RBFOX1: variants seen among roughly 807,000 people sequenced by gnomAD.
The protein encoded by RBFOX1 is RNA binding fox-1 homolog 1, also known as RNA binding protein fox-1 homolog 1.
Under a neutral mutation model 57.7 loss-of-function variants are expected in RBFOX1, and 8 were observed. That is an observed-to-expected ratio of 0.14 (90% CI 0.08 to 0.25). The LOEUF is 0.25. Among genes scored for constraint, RBFOX1 ranks in the 10% least tolerant of loss-of-function variants. RBFOX1 has a pLI of 1.00. For synonymous variants in RBFOX1, 326 were observed against 222.4 expected, an observed-to-expected ratio of 1.47 and a Z score of -4.15; for missense variants, 611 against 548.5, an observed-to-expected ratio of 1.11 and a Z score of -1.14.
intron 4 of RBFOX1, among the ~76,000 whole-genome samples, chr16:5,918,755 C>G (rs186674992): frequency 2.0e-4 from 30 of 152,316 alleles, no homozygotes; most frequent in African/African-American, 7.0e-4. Context: ...TCCTGGTTGT[C>G]CTGAGGTTGA....
chr16:6,669,357 C>A (rs942354088), intron 3 of RBFOX1, among the ~76,000 whole-genome samples: 1 of 152,098 alleles, frequency 6.6e-6, no homozygotes, highest in African/African-American at 2.4e-5. Context: ...TTGGGCAATT[C>A]TGGGTTAGGA....
chr16:5,303,222 A>G (rs2063847579), intron 1 of RBFOX1, among the ~76,000 whole-genome samples: 1 of 152,184 alleles, frequency 6.6e-6, no homozygotes, highest in Admixed American at 6.5e-5. Flanking sequence ...TATTAATATT[A>G]TCATCATAGT....
At position 5,566,051 on chromosome 16, in the gene RBFOX1, A is replaced by T. The variant is rs190065089; in HGVS notation, c.259-32851A>T. Among the ~76,000 whole-genome samples the T allele has an allele frequency of 1.2e-4, 18 of 152,292 alleles. No individual in the cohort carries two copies. In the East Asian group the frequency reaches 3.3e-3, roughly 28 times the overall value. ...TCTTGGCTTTCATTCTCTTTGCCATATGAGATGTGACTTTCGCCTTTCGCC... is the reference window on the plus strand; with the variant it reads ...TCTTGGCTTTCATTCTCTTTGCCATTTGAGATGTGACTTTCGCCTTTCGCC... On this transcript the variant is annotated intron_variant, in intron 2 of 2. Transcript: ENST00000585867.
rs58222300 is a variant in RBFOX1 at position 6,950,113 on chromosome 16, ATTTTTTTTTTTT to A, written c.-15-101932_-15-101921del. Among the ~76,000 whole-genome samples, 4 of 120,936 alleles carry A rather than the reference ATTTTTTTTTTTT, an allele frequency of 3.3e-5. No individual in the cohort carries two copies. The Admixed American group carries it at 3.6e-4, about 11-fold the overall frequency. 79.3% of individuals were successfully genotyped at this position (120,936 alleles called of 152,430 possible). ...AGGCATGCGCCACTACGCAGAGGTA[ATTTTTTTTTTTT>A]TTTTTTTTTTTAAGTAGCCATGGGG... is the stretch of plus-strand genomic sequence containing the variant. On this transcript the variant is annotated intron_variant, in intron 3 of 15. Transcript: ENST00000550418.
In RBFOX1 at chr16:6,093,980, AAG is replaced by A. The variant is rs539079197; in HGVS notation, c.-127+73992_-127+73993del. 8.7e-4 allele frequency among the ~76,000 whole-genome samples: 132 copies of A among 152,268 alleles called. 1 individual carries two copies. The highest frequency in any genetic ancestry group is 1.6e-3 in the Non-Finnish European group (111 of 68,016). On this transcript the variant is annotated intron_variant, in intron 1 of 15. Transcript: ENST00000550418. ...TGCCCGCCCCTGCTGGCTTTCGCAA[AAG>A]AGAAATCATGCCGCTTTTTTAGGTA...
At chr16:5,775,000 A>G (rs1057229661) in intron 3 of RBFOX1, among the ~76,000 whole-genome samples, 5 of 152,288 alleles carry the variant, frequency 3.3e-5, no homozygotes, top group South Asian at 4.1e-4. Context: ...TTTAAAATCA[A>G]TTTTAAGAAT....
intron 3 of RBFOX1, among the ~76,000 whole-genome samples, chr16:6,777,752 T>C (rs148841640): frequency 0.012 from 1,808 of 152,266 alleles, 40 homozygotes; most frequent in African/African-American, 0.04. Flanking sequence ...AAATTTTTAA[T>C]CAGGAAGTTG....
chr16:5,508,964 G>A (rs1459576657), intron 2 of RBFOX1, among the ~76,000 whole-genome samples: 3 of 152,204 alleles, frequency 2.0e-5, no homozygotes, highest in Non-Finnish European at 4.4e-5. Context: ...CTCATCTCAA[G>A]CAGTGGATGT....
At chr16:7,073,009 T>A (rs114417352) in intron 4 of RBFOX1, among the ~76,000 whole-genome samples, 1 of 152,176 alleles carries the variant, frequency 6.6e-6, no homozygotes, top group Non-Finnish European at 1.5e-5. Context: ...GGGTCAGGCT[T>A]TGTGAGTCCT....
chr16:6,180,098 T>C (rs530325657), intron 1 of RBFOX1, among the ~76,000 whole-genome samples: 3 of 152,124 alleles, frequency 2.0e-5, no homozygotes, highest in South Asian at 4.1e-4. Flanking sequence ...TCTGCAGTAT[T>C]CTTTCCTTTT....
intron 3 of RBFOX1, among the ~76,000 whole-genome samples, chr16:6,868,318 G>T (rs928620499): frequency 6.6e-6 from 1 of 152,130 alleles, no homozygotes. Flanking sequence ...TAAGAGGATG[G>T]TAAAACAGAG....
chr16:6,576,802 G>C (rs1436677833), intron 2 of RBFOX1: 1 of 152,176 alleles, frequency 6.6e-6, no homozygotes, highest in Non-Finnish European at 1.5e-5. Context: ...AGGGTGTTAA[G>C]CCAAGGCAAA....
intron 3 of RBFOX1, among the ~76,000 whole-genome samples, chr16:6,656,190 A>G (rs767423068): frequency 6.6e-6 from 1 of 152,204 alleles, no homozygotes; most frequent in East Asian, 1.9e-4. Context: ...GCCCAGCCGA[A>G]TCATTCCGCT....
At chr16:6,392,073 A>G (rs985339765) in intron 2 of RBFOX1, among the ~76,000 whole-genome samples, 4 of 152,218 alleles carry the variant, frequency 2.6e-5, no homozygotes, top group Non-Finnish European at 4.4e-5. Context: ...TCCCTCTTCA[A>G]TAATTCAAAC....
chr16:7,337,163 C>A (rs2144837956), intron 4 of RBFOX1, among the ~76,000 whole-genome samples: 1 of 152,204 alleles, frequency 6.6e-6, no homozygotes, highest in Non-Finnish European at 1.5e-5. Flanking sequence ...AGCCCAAGGT[C>A]ACAAAGAATG....
At chr16:6,775,226 C>T (rs1340914710) in intron 3 of RBFOX1, among the ~76,000 whole-genome samples, 2 of 147,752 alleles carry the variant, frequency 1.4e-5, no homozygotes, top group East Asian at 4.0e-4. Flanking sequence ...GTCCCAGCTA[C>T]TCGGGAGGCA....
rs538344407 is a variant in RBFOX1, at chr16:6,954,776, T to G, written c.-15-97281T>G. ...AGAGGATCTTAAATCATCACCTGAC[T>G]TGAGCACCCAGTTTGAAGGCAGGTA... is the stretch of plus-strand genomic sequence containing the variant. On this transcript the variant is annotated intron_variant, in intron 3 of 15. Coordinates refer to ENST00000550418, the MANE Select transcript of RBFOX1 (RefSeq NM_018723.4). Among the ~76,000 whole-genome samples the G allele has an allele frequency of 7.2e-5, 11 of 152,228 alleles. 1 individual carries two copies. Among genetic ancestry groups the G allele is most frequent in the Middle Eastern group, 3.4e-3 (1 of 294 alleles).
intron 10 of RBFOX1, among the ~76,000 whole-genome samples, chr16:7,624,568 T>A (rs954082365): frequency 6.6e-6 from 1 of 152,030 alleles, no homozygotes; most frequent in Non-Finnish European, 1.5e-5. Context: ...CATAGACGAG[T>A]AGATGCCAAT....
chr16:7,671,503 C>A (rs2071421555), intron 13 of RBFOX1: 2 of 1,483,664 alleles, frequency 1.3e-6, no homozygotes, highest in South Asian at 1.1e-5. Context: ...TATGCATTCT[C>A]TTTTATTTAT....
Sources: gnomAD v4.1 joint callset for allele counts (sites outside exome capture counted in the v4.1 genomes callset) on GRCh38, gnomAD v4.1.1 for gene constraint, MANE v1.5 for transcripts, NCBI Gene and HGNC (gene_info 2026-07-23, HGNC 2026-07-21) for gene names.